CASK: variants seen among roughly 807,000 people sequenced by gnomAD.
CASK encodes the protein calcium/calmodulin dependent serine protein kinase.
Under a neutral mutation model 82.9 loss-of-function variants are expected in CASK, and 4 were observed. The observed-to-expected ratio is 0.05, with a 90% confidence interval of 0.02 to 0.11. The LOEUF is 0.11. Among genes scored for constraint, CASK ranks in the 10% least tolerant of loss-of-function variants. The probability of loss-of-function intolerance (pLI) is 1.00; values close to 1 mark genes in which losing one functional copy is unlikely to be tolerated. For missense variants in CASK, 358 were observed against 720.9 expected (o/e 0.50, Z 5.76); for synonymous variants, 259 against 253.5 (o/e 1.02, Z -0.20).
At position 41,690,561 on chromosome X, in the gene CASK, A is replaced by G. The variant is rs190583878; in HGVS notation, c.430-19031T>C. Reference sequence around the variant, plus strand: ...TTTTTAGTAGAGGCAGGGTTTCGCTATGTTGGCCAGGCTGGTCTCGAATTC... The same window carrying G: ...TTTTTAGTAGAGGCAGGGTTTCGCTGTGTTGGCCAGGCTGGTCTCGAATTC... On this transcript the variant is annotated intron_variant, in intron 5 of 26. Transcript: ENST00000378163. 1.7e-3 allele frequency among the ~76,000 whole-genome samples: 170 copies of G among 100,841 alleles called. 14 individuals carry two copies. The East Asian group carries it at 0.024, about 14-fold the overall frequency. 87.6% of individuals were successfully genotyped at this position (100,841 alleles called of 115,157 possible). A position where few individuals can be genotyped will look rare whatever the true frequency, so the allele number is the denominator to read the frequency against.
chrX:41,798,420 A>G (rs1412530445), intron 2 of CASK, among the ~76,000 whole-genome samples: 1 of 112,940 alleles, frequency 8.9e-6, no homozygotes, highest in Non-Finnish European at 1.9e-5. Context: ...AGTACTTACT[A>G]TGAGTCAGGC....
chrX:41,919,440 C>T (rs1216652908), intron 1 of CASK: 1 of 112,222 alleles, frequency 8.9e-6, no homozygotes, highest in Non-Finnish European at 1.9e-5. Flanking sequence ...TTCATACACA[C>T]TGCTGTACCA....
intron 1 of CASK, among the ~76,000 whole-genome samples, chrX:41,875,736 C>T (rs2148015878): frequency 9.0e-6 from 1 of 110,891 alleles, no homozygotes; most frequent in Non-Finnish European, 1.9e-5. Context: ...CAAAAGAAGA[C>T]TTAAAATAGT....
At chrX:41,565,295 A>G (rs1280725698) in intron 16 of CASK, among the ~76,000 whole-genome samples, 1 of 111,633 alleles carries the variant, frequency 9.0e-6, no homozygotes, top group Non-Finnish European at 1.9e-5. Context: ...TGAATCCAGG[A>G]GCCGGTTTTT....
intron 1 of CASK, among the ~76,000 whole-genome samples, chrX:41,915,135 C>CGAG (rs1360535792): frequency 9.0e-6 from 1 of 111,348 alleles, no homozygotes; most frequent in East Asian, 2.8e-4. Flanking sequence ...CTCCAAACCA[C>CGAG]GAGCCCTAGA....
chrX:41,622,727 AC>A, intron 10 of CASK, 93 bp from the exon 11 acceptor site: 2 of 712,199 alleles, frequency 2.8e-6, no homozygotes, highest in Non-Finnish European at 4.2e-6. Context: ...TACATGAGCC[AC>A]CAGAAGCATG....
intron 12 of CASK, among the ~76,000 whole-genome samples, chrX:41,602,716 C>T (rs12014873): frequency 0.025 from 2,482 of 98,989 alleles, 85 homozygotes; most frequent in African/African-American, 0.086. Context: ...ATATGCTTAG[C>T]GGCTTTTTTT....
chrX:41,832,267 A>T (rs1359936207), intron 2 of CASK, among the ~76,000 whole-genome samples: 2 of 111,733 alleles, frequency 1.8e-5, no homozygotes, highest in Non-Finnish European at 1.9e-5. Flanking sequence ...CCACTTGGGC[A>T]TGTCTCTTCA....
chrX:41,688,164 CATATTT>C lies in CASK; in HGVS notation c.430-16640_430-16635del, dbSNP rs762884977. On this transcript the variant is annotated intron_variant, in intron 5 of 26. Transcript: ENST00000378163. ...TTTAAAAATATCCTGTCCCATAAATCATATTTATAACAAACAAAAAGCTCTGGAGAA... is the reference window on the plus strand; with the variant it reads ...TTTAAAAATATCCTGTCCCATAAATCATAACAAACAAAAAGCTCTGGAGAA... 2.7e-3 allele frequency among the ~76,000 whole-genome samples: 295 copies of C among 110,318 alleles called. 1 individual carries two copies. The highest frequency in any genetic ancestry group is 9.1e-3 in the African/African-American group (276 of 30,314).
intron 1 of CASK, among the ~76,000 whole-genome samples, chrX:41,873,788 T>TC (rs946155796): frequency 3.0e-5 from 3 of 98,404 alleles, no homozygotes; most frequent in African/African-American, 1.1e-4. Flanking sequence ...GTTGTTCCTT[T>TC]TTTTTTTTTT....
At chrX:41,710,865 G>A (rs1422091421) in intron 5 of CASK, among the ~76,000 whole-genome samples, 1 of 111,573 alleles carries the variant, frequency 9.0e-6, no homozygotes, top group African/African-American at 3.3e-5. Context: ...CCATAAAACC[G>A]CAAAAGGACA....
intron 12 of CASK, among the ~76,000 whole-genome samples, chrX:41,593,601 A>G (rs1232447709): frequency 9.0e-6 from 1 of 111,674 alleles, no homozygotes; most frequent in Non-Finnish European, 1.9e-5. Flanking sequence ...AGCAATAACA[A>G]CTGGCAATGA....
intron 12 of CASK, among the ~76,000 whole-genome samples, chrX:41,590,920 C>T (rs975382580): frequency 9.0e-6 from 1 of 111,436 alleles, no homozygotes; most frequent in South Asian, 3.8e-4. Context: ...ATATTTGGGC[C>T]ACATCATACA....
intron 15 of CASK, among the ~76,000 whole-genome samples, chrX:41,571,500 G>GC (rs2065411385): frequency 2.7e-5 from 3 of 111,348 alleles, no homozygotes; most frequent in Admixed American, 9.6e-5. Flanking sequence ...CTGTAGTGAT[G>GC]CCCCTTCTCT....
intron 1 of CASK, among the ~76,000 whole-genome samples, chrX:41,901,070 T>C (rs2072370622): frequency 8.9e-6 from 1 of 111,948 alleles, no homozygotes; most frequent in Admixed American, 9.5e-5. Flanking sequence ...AGTCAATTCA[T>C]AGATGTCCAT....
chrX:41,770,420 A>G (rs1367979109), intron 3 of CASK, among the ~76,000 whole-genome samples: 3 of 109,188 alleles, frequency 2.7e-5, no homozygotes, highest in African/African-American at 3.4e-5. Flanking sequence ...CTATCTATCT[A>G]TTTTTTGAGA....
chrX:41,920,512 C>T (rs1258794810), intron 1 of CASK, among the ~76,000 whole-genome samples: 1 of 111,562 alleles, frequency 9.0e-6, no homozygotes, highest in African/African-American at 3.3e-5. Flanking sequence ...TGGCACTGAC[C>T]AAGTCAGATT....
chrX:41,802,507 G>T (rs1354660078), intron 2 of CASK, among the ~76,000 whole-genome samples: 2 of 111,960 alleles, frequency 1.8e-5, no homozygotes, highest in East Asian at 2.8e-4. Context: ...ATATTTTAAA[G>T]AATTTCTAAA....
In CASK at chrX:41,537,774, C is replaced by T. The variant is rs182585174; in HGVS notation, c.2156-2801G>A. On this transcript the variant is annotated intron_variant, in intron 22 of 26. Coordinates refer to ENST00000378163, the MANE Select transcript of CASK (RefSeq NM_001367721.1). The stretch of plus-strand genomic sequence containing the variant: ...AAGCCTTTTGCTTTTCACTTTGTAC[C>T]TTCCTGTACCATGTGTAATTTCTAA... Among the ~76,000 whole-genome samples the T allele has an allele frequency of 3.6e-3, 393 of 108,408 alleles. 3 individuals carry two copies. Among genetic ancestry groups the T allele is most frequent in the African/African-American group, 0.011 (339 of 30,089 alleles). The allele number at this position is 108,408 out of a possible 115,157, so 94.1% of individuals were successfully genotyped here.
Sources: gnomAD v4.1 joint callset for allele counts (sites outside exome capture counted in the v4.1 genomes callset) on GRCh38, gnomAD v4.1.1 for gene constraint, MANE v1.5 for transcripts, NCBI Gene and HGNC (gene_info 2026-07-23, HGNC 2026-07-21) for gene names.